The following XIRP2 variants were observed in gnomAD, a reference collection of about 807,000 sequenced individuals.
XIRP2 encodes xin actin-binding repeat-containing protein 2.
In XIRP2, 236 loss-of-function variants were observed where a neutral mutation model predicts 277.0. The ratio of observed to expected loss-of-function variants is 0.85; its 90% CI spans 0.77 to 0.95. The LOEUF is 0.95. Ranked by LOEUF, XIRP2 falls within the 40% of genes least tolerant of loss-of-function variation. The probability of loss-of-function intolerance (pLI) is 0.00; values close to 1 mark genes in which losing one functional copy is unlikely to be tolerated. For missense variants in XIRP2, 4,640 were observed against 4,157.5 expected, an observed-to-expected ratio of 1.12 and a Z score of -3.19; for synonymous variants, 1,490 against 1,416.5, an observed-to-expected ratio of 1.05 and a Z score of -1.17.
intron 2 of XIRP2, among the ~76,000 whole-genome samples, chr2:167,007,679 A>ACACT (rs1687540015): frequency 7.0e-6 from 1 of 142,280 alleles, no homozygotes; most frequent in Non-Finnish European, 1.5e-5. Context: ...CCACATGTAC[A>ACACT]CTCTCTCTCT....
At chr2:167,145,503 A>T (rs1691839667) in intron 3 of XIRP2, among the ~76,000 whole-genome samples, 2 of 152,328 alleles carry the variant, frequency 1.3e-5, no homozygotes, top group South Asian at 4.1e-4. Context: ...AGGTAGCAAC[A>T]CATGCAGTGA....
intron 2 of XIRP2, among the ~76,000 whole-genome samples, chr2:167,007,299 A>G (rs1350758628): frequency 6.6e-6 from 1 of 151,738 alleles, no homozygotes; most frequent in Non-Finnish European, 1.5e-5. Context: ...GTGGAAAAGA[A>G]CAAAATATTT....
chr2:167,157,696 A>C (rs1217300932), intron 3 of XIRP2, among the ~76,000 whole-genome samples: 1 of 152,250 alleles, frequency 6.6e-6, no homozygotes, highest in Non-Finnish European at 1.5e-5. Context: ...AGCTTGTGGG[A>C]TGTTATCAAT....
chr2:167,224,030 AT>A (rs1459783200), intron 5 of XIRP2, among the ~76,000 whole-genome samples: 1 of 152,126 alleles, frequency 6.6e-6, no homozygotes, highest in East Asian at 1.9e-4. Flanking sequence ...GAACAGTCCA[AT>A]GTCAAGGTGC....
chr2:166,918,576 CAT>C (rs1684952254), intron 2 of XIRP2, among the ~76,000 whole-genome samples: 1 of 151,912 alleles, frequency 6.6e-6, no homozygotes, highest in Non-Finnish European at 1.5e-5. Flanking sequence ...TCTTTTAAAA[CAT>C]ATTTATCTTT....
At chr2:167,043,856 G>A (rs560352052) in intron 2 of XIRP2, among the ~76,000 whole-genome samples, 44 of 151,976 alleles carry the variant, frequency 2.9e-4, no homozygotes, top group Non-Finnish European at 4.7e-4. Flanking sequence ...TCAGTATTAT[G>A]ATACTGAATA....
At chr2:167,117,870 T>G (rs942423789) in intron 2 of XIRP2, among the ~76,000 whole-genome samples, 6 of 152,354 alleles carry the variant, frequency 3.9e-5, no homozygotes, top group Middle Eastern at 6.8e-3. Flanking sequence ...TTACTCTTTA[T>G]TAAGTTTTGC....
intron 2 of XIRP2, among the ~76,000 whole-genome samples, chr2:167,077,576 G>C (rs1275115118): frequency 4.6e-5 from 7 of 152,326 alleles, no homozygotes; most frequent in Non-Finnish European, 8.8e-5. Flanking sequence ...GAAGATGGCA[G>C]TTTTAAAGAG....
At chr2:166,923,143 G>T (rs1685099349) in intron 2 of XIRP2, among the ~76,000 whole-genome samples, 1 of 151,972 alleles carries the variant, frequency 6.6e-6, no homozygotes, top group Non-Finnish European at 1.5e-5. Flanking sequence ...ACTTAGGAGT[G>T]GTAGCTAAAG....
intron 3 of XIRP2, among the ~76,000 whole-genome samples, chr2:167,149,518 C>T (rs1691953033): frequency 6.6e-6 from 1 of 152,096 alleles, no homozygotes; most frequent in Non-Finnish European, 1.5e-5. Context: ...CAATTCAGGT[C>T]AGTTGGAAAT....
intron 3 of XIRP2, among the ~76,000 whole-genome samples, chr2:167,145,083 A>G (rs1354776848): frequency 6.6e-6 from 1 of 152,208 alleles, no homozygotes; most frequent in East Asian, 1.9e-4. Flanking sequence ...ATGCCATGCC[A>G]AAGAATGATT....
At chr2:167,179,364 A>C (rs1161354131) in intron 3 of XIRP2, among the ~76,000 whole-genome samples, 1 of 142,400 alleles carries the variant, frequency 7.0e-6, no homozygotes, top group Non-Finnish European at 1.5e-5. Flanking sequence ...CCTGTTGCCC[A>C]GGCTGGAGTG....
At chr2:167,024,412 G>T (rs1006439297) in intron 2 of XIRP2, among the ~76,000 whole-genome samples, 2 of 151,988 alleles carry the variant, frequency 1.3e-5, no homozygotes, top group African/African-American at 4.8e-5. Context: ...GGGACAATTT[G>T]ACTTCCTCTT....
chr2:166,986,547 C>T (rs925895471), intron 2 of XIRP2, among the ~76,000 whole-genome samples: 7 of 152,222 alleles, frequency 4.6e-5, no homozygotes, highest in Non-Finnish European at 7.3e-5. Context: ...GGGCACCAAA[C>T]CAGTTATTAT....
intron 3 of XIRP2, among the ~76,000 whole-genome samples, chr2:167,168,881 A>G (rs927844156): frequency 4.7e-4 from 72 of 151,998 alleles, no homozygotes; most frequent in African/African-American, 1.7e-3. Flanking sequence ...CCCAAAGTGC[A>G]TTACCTATCT....
At chr2:167,229,822 AG>A (rs1426689089) in intron 5 of XIRP2, among the ~76,000 whole-genome samples, 2 of 152,134 alleles carry the variant, frequency 1.3e-5, no homozygotes, top group Non-Finnish European at 2.9e-5. Context: ...GACGTATGTT[AG>A]GGTAACTTCA....
In XIRP2 at chr2:167,244,963, G is replaced by A; in HGVS notation, c.3571G>A (p.Asp1191Asn). The A allele has an allele frequency of 1.9e-6, 3 of 1,612,838 alleles. No homozygotes were observed. Among genetic ancestry groups the A allele is most frequent in the Non-Finnish European group, 2.5e-6 (3 of 1,179,556 alleles). The change falls in exon 9 of 11, where the codon GAT (aspartate) becomes AAT (asparagine). Residue 1191 changes from aspartate to asparagine, a missense_variant. Asp to Asn is a conservative substitution (Grantham distance 23). Transcript: ENST00000409195. ...GAAGGAAATCAAGCCTGTTGAAATG[G>A]ATATACAAGCTGGAGATGTTTCCAG... is the stretch of plus-strand genomic sequence containing the variant. ...EVKEIKPVEM[D>N]IQAGDVSSMR...
intron 2 of XIRP2, among the ~76,000 whole-genome samples, chr2:167,132,966 T>C (rs1650479447): frequency 1.3e-5 from 2 of 152,222 alleles, no homozygotes; most frequent in African/African-American, 2.4e-5. Context: ...TTTCTTTATT[T>C]TATTTTAAAT....
At chr2:166,975,712 T>A (rs1686694322) in intron 2 of XIRP2, among the ~76,000 whole-genome samples, 1 of 151,740 alleles carries the variant, frequency 6.6e-6, no homozygotes, top group Non-Finnish European at 1.5e-5. Flanking sequence ...GATCACGAGG[T>A]CAGGAGATCG....
Sources: gnomAD v4.1 joint callset for allele counts (sites outside exome capture counted in the v4.1 genomes callset) on GRCh38, gnomAD v4.1.1 for gene constraint, MANE v1.5 for transcripts, NCBI Gene and HGNC (gene_info 2026-07-23, HGNC 2026-07-21) for gene names.